Variants in ELAC2 observed in about 807,000 individuals in gnomAD.
ELAC2 encodes the protein zinc phosphodiesterase ELAC protein 2.
ELAC2 carries 92 observed loss-of-function variants against 105.2 expected under a neutral mutation model. The ratio of observed to expected loss-of-function variants is 0.87; its 90% CI spans 0.74 to 1.04. The LOEUF (loss-of-function observed/expected upper bound fraction) is 1.04, where lower values mean the gene tolerates loss of function less well. Ranked by LOEUF, ELAC2 falls within the 50% of genes least tolerant of loss-of-function variation. The pLI is 0.00. For synonymous variants in ELAC2, 468 were observed against 409.1 expected (o/e 1.14, Z -1.74); for missense variants, 1,099 against 1,071.7 (o/e 1.03, Z -0.36).
chr17:13,007,456 T>C (rs984202465), intron 8 of ELAC2, among the ~76,000 whole-genome samples: 2 of 152,224 alleles, frequency 1.3e-5, no homozygotes, highest in East Asian at 1.9e-4. Context: ...ACAGCTTCAG[T>C]GTGCACATCA....
Position 13,002,756 on chromosome 17 carries a change from G to A in ELAC2, c.1080-177C>T, listed in dbSNP as rs112316688. 0.011 allele frequency: 11,302 copies of A among 992,284 alleles called. 106 individuals are homozygous for A. The highest frequency in any genetic ancestry group is 0.014 in the African/African-American group (892 of 62,632). The allele number at this position is 992,284 out of a possible 1,614,324, so 61.5% of individuals were successfully genotyped here. On this transcript the variant is annotated intron_variant, in intron 12 of 23. Transcript: ENST00000338034. ...TCCCACTCCTGCTGTCTCAAAGCCC[G>A]GTGTTCCCTAGCTCAGCTGCCTTTC...
Position 13,005,068 on chromosome 17 carries a change from G to A in ELAC2, c.904C>T (p.Pro302Ser), listed in dbSNP as rs2143621874. 6.2e-7 allele frequency: 1 copy of A among 1,614,168 alleles called. No individual in the cohort carries two copies. Among genetic ancestry groups the A allele is most frequent in the Non-Finnish European group, 8.5e-7 (1 of 1,180,026 alleles). ...LAEELCTPPD[P>S]GAAFVVVECP... is the part of the protein sequence containing the mutation. ...TCTACCACCACAAAAGCAGCACCAG[G>A]ATCTGGAGGAGTACACAGCTCTTCA... The change falls in exon 11 of 24, where the codon CCT (proline) becomes TCT (serine). Residue 302 changes from proline (P) to serine (S), a missense_variant. Coordinates refer to ENST00000338034, the MANE Select transcript of ELAC2 (RefSeq NM_018127.7).
In ELAC2 at chr17:13,009,090, T is replaced by C. The variant is rs534716356; in HGVS notation, c.738+1523A>G. Reference sequence around the variant, plus strand: ...TAGATTATCAAAAATAAAATATTTTTAAAACTTTAAAAAATGATTTTGCTA... The same window carrying C: ...TAGATTATCAAAAATAAAATATTTTCAAAACTTTAAAAAATGATTTTGCTA... On this transcript the variant is annotated intron_variant, in intron 8 of 23. Transcript: ENST00000338034. 1.2e-4 allele frequency among the ~76,000 whole-genome samples: 18 copies of C among 152,330 alleles called. No individual in the cohort carries two copies. The South Asian group carries it at 3.7e-3, about 32-fold the overall frequency.
chr17:13,015,024 G>A (rs1283825120), intron 4 of ELAC2, among the ~76,000 whole-genome samples: 1 of 152,192 alleles, frequency 6.6e-6, no homozygotes, highest in African/African-American at 2.4e-5. Flanking sequence ...TGTGGGTAGC[G>A]GCCGGGGCCT....
At chr17:13,006,260 C>T in intron 8 of ELAC2, 3 of 413,882 alleles carry the variant, frequency 7.2e-6, no homozygotes, top group Non-Finnish European at 9.0e-6. Flanking sequence ...ATCCCAGCAA[C>T]TCAGGAAGCT....
rs3760317 is a variant in ELAC2, at chr17:13,000,273, C to T, written c.1306G>A (p.Asp436Asn). ...TCAGGATTGCAAGTAATAATGGCAT[C>T]CCTGCAGGAAGAGAGAGAAGCATCT... ...QLRPRREWQR[D>N]AIITCNPEEF... is the part of the protein sequence containing the mutation. Residue 436 changes from aspartate to asparagine, a missense_variant and splice_region_variant, in exon 15 of 24, where the codon GAT (aspartate) becomes AAT (asparagine). Asp to Asn is a conservative substitution (Grantham distance 23). Transcript: ENST00000338034. The T allele has an allele frequency of 1.2e-6, 2 of 1,613,442 alleles. No homozygotes were observed. Among genetic ancestry groups the T allele is most frequent in the East Asian group, 4.5e-5 (2 of 44,628 alleles).
chr17:13,005,375 A>G (rs1374563894), intron 10 of ELAC2, among the ~76,000 whole-genome samples: 1 of 152,130 alleles, frequency 6.6e-6, no homozygotes, highest in African/African-American at 2.4e-5. Flanking sequence ...CACTGGTCCT[A>G]ATGTCCTCAG....
intron 15 of ELAC2, among the ~76,000 whole-genome samples, chr17:12,999,158 A>G (rs908651945): frequency 3.3e-5 from 5 of 152,250 alleles, no homozygotes; most frequent in African/African-American, 1.2e-4. Context: ...AGAAGAACAA[A>G]TAAATTCTCC....
At chr17:13,016,050 T>C (rs1403689816) in intron 3 of ELAC2, among the ~76,000 whole-genome samples, 2 of 152,206 alleles carry the variant, frequency 1.3e-5, no homozygotes, top group East Asian at 3.9e-4. Flanking sequence ...GAGCTGTCAC[T>C]AGGGTGAAGC....
At chr17:13,004,364 GA>G (rs1176641753) in intron 11 of ELAC2, among the ~76,000 whole-genome samples, 1 of 152,036 alleles carries the variant, frequency 6.6e-6, no homozygotes, top group Non-Finnish European at 1.5e-5. Flanking sequence ...AAAAACAAGT[GA>G]AAAAATACAG....
At chr17:13,002,849 C>A in intron 12 of ELAC2, 1 of 513,538 alleles carries the variant, frequency 1.9e-6, no homozygotes, top group Non-Finnish European at 3.5e-6. Flanking sequence ...AAATAGGGGA[C>A]CCAAACCCTG....
intron 6 of ELAC2, 32 bp from the exon 7 acceptor site, chr17:13,011,814 C>T (rs1379765594): frequency 1.9e-5 from 30 of 1,613,992 alleles, no homozygotes; most frequent in Non-Finnish European, 2.3e-5. Context: ...AAATTACACA[C>T]TGCACAAGGT....
At chr17:13,017,586 G>C (rs1452250784) in intron 1 of ELAC2, 117 bp downstream of exon 1, 8 of 1,542,546 alleles carry the variant, frequency 5.2e-6, no homozygotes, top group African/African-American at 1.4e-5. Flanking sequence ...ACGAACCCCC[G>C]CAACAGTGAA....
chr17:12,993,487 G>A (rs2040306042), intron 23 of ELAC2, among the ~76,000 whole-genome samples, 200 bp downstream of exon 23: 1 of 152,220 alleles, frequency 6.6e-6, no homozygotes, highest in Non-Finnish European at 1.5e-5. Flanking sequence ...AACTGAGACT[G>A]AAGACTAGTT....
At position 13,017,977 on chromosome 17, in the gene ELAC2, C is replaced by A; in HGVS notation, c.-30G>T. On this transcript the variant is annotated 5_prime_UTR_variant, in exon 1 of 24. Coordinates refer to ENST00000338034, the MANE Select transcript of ELAC2 (RefSeq NM_018127.7). ...CCGTCTCCACCAAAACTGAGAAAGC[C>A]GCCGGTCACCTACGCCCGCGTTTCC... 3.9e-6 allele frequency: 6 copies of A among 1,534,516 alleles called. No homozygotes were observed. Among genetic ancestry groups the A allele is most frequent in the Non-Finnish European group, 5.2e-6 (6 of 1,146,594 alleles).
At position 13,017,840 on chromosome 17, in the gene ELAC2, C is replaced by T. The variant is rs770106888; in HGVS notation, c.108G>A (p.Pro36=). The change falls in exon 1 of 24, where the codon CCG becomes CCA. Residue 36 remains proline, a synonymous_variant. Coordinates refer to ENST00000338034, the MANE Select transcript of ELAC2 (RefSeq NM_018127.7). ...PARRERPRKD[P]LRHLRTREKR... The stretch of plus-strand genomic sequence containing the variant: ...TCTCTCGCGTGCGCAGGTGCCGCAG[C>T]GGGTCCTTGCGCGGCCGCTCGCGGC... The T allele has an allele frequency of 1.9e-6, 3 of 1,578,286 alleles. No individual in the cohort carries two copies. The highest frequency in any genetic ancestry group is 1.1e-5 in the South Asian group (1 of 87,612).
In ELAC2 at chr17:12,991,962, C is replaced by T. The variant is rs573717184; in HGVS notation, c.*856G>A. On this transcript the variant is annotated 3_prime_UTR_variant, in exon 24 of 24. Coordinates refer to ENST00000338034, the MANE Select transcript of ELAC2 (RefSeq NM_018127.7). ...CAAGGAGGACAATGGAAACCAGCCC[C>T]GTGTGCCATTTCTCAAAACCTTCGA... Among the ~76,000 whole-genome samples, 1 of 152,138 alleles carries T rather than the reference C, an allele frequency of 6.6e-6. No individual in the cohort carries two copies. Among genetic ancestry groups the T allele is most frequent in the Non-Finnish European group, 1.5e-5 (1 of 68,038 alleles).
At chr17:12,998,722 G>A (rs965156213) in intron 15 of ELAC2, among the ~76,000 whole-genome samples, 7 of 152,156 alleles carry the variant, frequency 4.6e-5, no homozygotes, top group African/African-American at 1.7e-4. Context: ...TGGAGCTGCA[G>A]TAGTAAGTAC....
intron 1 of ELAC2, 23 bp downstream of exon 1, chr17:13,017,680 C>T (rs758661714): frequency 1.2e-6 from 2 of 1,613,334 alleles, no homozygotes; most frequent in East Asian, 2.2e-5. Flanking sequence ...CCCAGCGGGA[C>T]GGGGCGTGGC....
Sources: gnomAD v4.1 joint callset for allele counts (sites outside exome capture counted in the v4.1 genomes callset) on GRCh38, gnomAD v4.1.1 for gene constraint, MANE v1.5 for transcripts, NCBI Gene and HGNC (gene_info 2026-07-23, HGNC 2026-07-21) for gene names.